Variants in ABAT observed in about 807,000 individuals in gnomAD.
The protein encoded by ABAT is 4-aminobutyrate aminotransferase.
A neutral mutation model predicts 64.6 loss-of-function variants in ABAT; 45 were observed. That is an observed-to-expected ratio of 0.70 (90% confidence interval 0.55 to 0.89). The LOEUF (loss-of-function observed/expected upper bound fraction) is 0.89. Among genes scored for constraint, ABAT ranks in the 40% least tolerant of loss-of-function variants. The pLI is 0.00. For missense variants in ABAT, 633 were observed against 658.4 expected, an observed-to-expected ratio of 0.96 and a Z score of 0.42; for synonymous variants, 297 against 250.5, an observed-to-expected ratio of 1.19 and a Z score of -1.75.
chr16:8,765,798 C>G (rs1414406211), intron 8 of ABAT: 1 of 154,012 alleles, frequency 6.5e-6, no homozygotes, highest in African/African-American at 2.4e-5. Flanking sequence ...TTTAAATATT[C>G]TAAATTGCAG....
Position 8,781,411 on chromosome 16 carries a change from T to A in ABAT, c.1484T>A (p.Ile495Asn). 1 of 1,614,190 alleles carries A rather than the reference T, an allele frequency of 6.2e-7. No homozygotes were observed. Among genetic ancestry groups the A allele is most frequent in the Non-Finnish European group, 8.5e-7 (1 of 1,180,028 alleles). Residue 495 changes from isoleucine (I) to asparagine (N), a missense_variant, in exon 16 of 16, where the codon ATC becomes AAC. Physicochemically the swap from Ile to Asn is moderately radical, Grantham distance 149 (BLOSUM62 -3). Transcript: ENST00000268251. The surrounding 1 kb of genome is among the most constrained non-coding windows in gnomAD (Gnocchi z 4.5). Reference protein sequence around the residue: ...AHLFLNIFSDILADFK With the variant: ...AHLFLNIFSDNLADFK ...CTGTTCCTCAATATTTTCAGTGACA[T>A]CTTAGCAGACTTCAAGTAAAGAAGC...
At chr16:8,684,769 A>T (rs1428350323) in intron 1 of ABAT, among the ~76,000 whole-genome samples, 1 of 151,958 alleles carries the variant, frequency 6.6e-6, no homozygotes, top group Admixed American at 6.6e-5. Flanking sequence ...AATCTCATAC[A>T]GATACAAAAA....
At chr16:8,676,890 G>A (rs1026011020) in intron 1 of ABAT, among the ~76,000 whole-genome samples, 1 of 152,160 alleles carries the variant, frequency 6.6e-6, no homozygotes, top group African/African-American at 2.4e-5. Flanking sequence ...CATTGCATGG[G>A]AAAAGAGCTG....
intron 1 of ABAT, among the ~76,000 whole-genome samples, chr16:8,724,132 C>T (rs999118459): frequency 2.6e-5 from 4 of 151,782 alleles, no homozygotes; most frequent in East Asian, 3.9e-4. Context: ...TGAGCCACTG[C>T]GCCCAGCCCC....
At chr16:8,702,125 C>T (rs1398508745) in intron 1 of ABAT, among the ~76,000 whole-genome samples, 3 of 152,068 alleles carry the variant, frequency 2.0e-5, no homozygotes, top group East Asian at 1.9e-4. Flanking sequence ...CATGGTTCTG[C>T]GGGCTGTACA....
In ABAT at chr16:8,740,824, G is replaced by C. The variant is rs188355160; in HGVS notation, c.70+5015G>C. On this transcript the variant is annotated intron_variant, in intron 2 of 15. Coordinates refer to ENST00000268251, the MANE Select transcript of ABAT (RefSeq NM_020686.6). ...TTTCTTTTTTCCATGTTGCTTATTG[G>C]TATCTTCCTCAATAAACATTTTATC... Among the ~76,000 whole-genome samples, 64 of 152,296 alleles carry C rather than the reference G, an allele frequency of 4.2e-4. 1 individual carries two copies. Among genetic ancestry groups the C allele is most frequent in the African/African-American group, 1.2e-3 (50 of 41,566 alleles).
Position 8,779,474 on chromosome 16 carries a change from T to G in ABAT, c.1270-5T>G. On this transcript the variant is annotated splice_region_variant and splice_polypyrimidine_tract_variant and intron_variant, in intron 14 of 15. Transcript: ENST00000268251. ...TGACGCCAGCCTTGTCTCCTCCCAC[T>G]ACAGGCCCGGTACCCCCAGTTCATC... is the stretch of plus-strand genomic sequence containing the variant. 6.2e-7 allele frequency: 1 copy of G among 1,613,664 alleles called. No homozygotes were observed. Among genetic ancestry groups the G allele is most frequent in the Non-Finnish European group, 8.5e-7 (1 of 1,179,708 alleles).
chr16:8,770,071 G>A (rs1486047797), intron 11 of ABAT, among the ~76,000 whole-genome samples: 8 of 152,130 alleles, frequency 5.3e-5, no homozygotes, highest in Non-Finnish European at 1.2e-4. Flanking sequence ...AGCTTTTCCA[G>A]TAGTCACCTT....
Position 8,757,763 on chromosome 16 carries a change from G to C in ABAT, c.323G>C (p.Ser108Thr). 6.2e-7 allele frequency: 1 copy of C among 1,614,074 alleles called. No individual in the cohort carries two copies. Residue 108 changes from serine to threonine, a missense_variant, in exon 6 of 16, where the codon AGC (serine) becomes ACC (threonine). Transcript: ENST00000268251. ...AATACTCTCCTGCCCTCAGGTTACA[G>C]CCACCCCGCCCTGCTGAAACTCATC... ...SQISSVPIGY[S>T]HPALLKLIQQ...
chr16:8,735,687 G>T lies in ABAT; in HGVS notation c.-41-12G>T, dbSNP rs551229015. ...TTCATGGGCCTAAGTCTGCATTTCT[G>T]GTTTCTTTCAGGGTGGCAGCACGCA... is the stretch of plus-strand genomic sequence containing the variant. On this transcript the variant is annotated splice_polypyrimidine_tract_variant and intron_variant, in intron 1 of 15. Coordinates refer to ENST00000268251, the MANE Select transcript of ABAT (RefSeq NM_020686.6). The T allele has an allele frequency of 4.5e-6, 7 of 1,555,200 alleles. No homozygotes were observed. The highest frequency in any genetic ancestry group is 6.1e-6 in the Non-Finnish European group (7 of 1,149,410).
At chr16:8,720,102 C>G (rs952433695) in intron 1 of ABAT, among the ~76,000 whole-genome samples, 1 of 152,160 alleles carries the variant, frequency 6.6e-6, no homozygotes, top group Non-Finnish European at 1.5e-5. Context: ...CGTGAGCCAT[C>G]GCGCCCAGCC....
At chr16:8,742,906 T>G (rs913441951) in intron 2 of ABAT, among the ~76,000 whole-genome samples, 5 of 147,442 alleles carry the variant, frequency 3.4e-5, no homozygotes, top group African/African-American at 1.3e-4. Flanking sequence ...CGCAGTGTTG[T>G]GTGCCTGTAG....
At chr16:8,751,155 G>T (rs1957540009) in intron 5 of ABAT, among the ~76,000 whole-genome samples, 3 of 151,924 alleles carry the variant, frequency 2.0e-5, no homozygotes, top group African/African-American at 4.8e-5. Context: ...TACCATGTTG[G>T]CCAGGGTAGT....
Position 8,757,824 on chromosome 16 carries a change from A to G in ABAT, c.366+18A>G, listed in dbSNP as rs1183190071. 1 of 1,613,436 alleles carries G rather than the reference A, an allele frequency of 6.2e-7. No individual in the cohort carries two copies. The highest frequency in any genetic ancestry group is 1.1e-5 in the South Asian group (1 of 91,068). The stretch of plus-strand genomic sequence containing the variant: ...AAAATGCGGTAGGTCTTGGGGTTAC[A>G]CAGAAGAAAGACAAAATATGTTCAT... On this transcript the variant is annotated intron_variant, in intron 6 of 15. Transcript: ENST00000268251.
At chr16:8,714,016 G>C (rs920056531) in intron 1 of ABAT, 1 of 416,070 alleles carries the variant, frequency 2.4e-6, no homozygotes, top group African/African-American at 2.0e-5. Flanking sequence ...TTGTGCATCT[G>C]TGTACATGCG....
At chr16:8,728,231 T>C (rs900196238) in intron 1 of ABAT, among the ~76,000 whole-genome samples, 2 of 152,268 alleles carry the variant, frequency 1.3e-5, no homozygotes, top group African/African-American at 4.8e-5. Context: ...TAAGAATTAA[T>C]GTCTAACAGA....
At chr16:8,778,125 T>A (rs2060320420) in intron 14 of ABAT, among the ~76,000 whole-genome samples, 1 of 152,186 alleles carries the variant, frequency 6.6e-6, no homozygotes, top group African/African-American at 2.4e-5. Context: ...AGCCCTTGTT[T>A]GCTGTCCTTC....
chr16:8,700,577 C>T (rs1010269220), intron 1 of ABAT, among the ~76,000 whole-genome samples: 1 of 152,102 alleles, frequency 6.6e-6, no homozygotes, highest in African/African-American at 2.4e-5. Context: ...TCTCCCTCTG[C>T]ACTGTTTGTG....
chr16:8,679,015 T>C (rs552429103), intron 1 of ABAT, among the ~76,000 whole-genome samples: 2 of 152,258 alleles, frequency 1.3e-5, no homozygotes, highest in Admixed American at 1.3e-4. Context: ...CAGCTTCCCA[T>C]GCATTAAAAA....
Sources: gnomAD v4.1 joint callset for allele counts (sites outside exome capture counted in the v4.1 genomes callset) on GRCh38, gnomAD v4.1.1 for gene constraint, Gnocchi (gnomAD v3.1) non-coding constraint, MANE v1.5 for transcripts, NCBI Gene and HGNC (gene_info 2026-07-23, HGNC 2026-07-21) for gene names.